The following HK2 variants were observed in gnomAD, a reference collection of about 807,000 sequenced individuals.
HK2 encodes the protein hexokinase 2.
HK2 carries 42 observed loss-of-function variants against 92.9 expected under a neutral mutation model. The ratio of observed to expected loss-of-function variants is 0.45; its 90% CI spans 0.35 to 0.58. The LOEUF (loss-of-function observed/expected upper bound fraction) is 0.58, where lower values mean the gene tolerates loss of function less well. Ranked by LOEUF, HK2 falls within the 20% of genes least tolerant of loss-of-function variation. The probability of loss-of-function intolerance (pLI) is 0.00; values close to 1 mark genes in which losing one functional copy is unlikely to be tolerated. For synonymous variants in HK2, 422 were observed against 468.0 expected (o/e 0.90, Z 1.27); for missense variants, 978 against 1,245.1 (o/e 0.79, Z 3.23).
At chr2:74,864,462 A>G (rs1688901406) in intron 2 of HK2, among the ~76,000 whole-genome samples, 1 of 152,178 alleles carries the variant, frequency 6.6e-6, no homozygotes, top group Non-Finnish European at 1.5e-5. Flanking sequence ...AGGATCTATT[A>G]ACGGAGGAAT....
intron 10 of HK2, among the ~76,000 whole-genome samples, chr2:74,880,957 G>A (rs969556510): frequency 6.6e-6 from 1 of 152,254 alleles, no homozygotes; most frequent in Non-Finnish European, 1.5e-5. Context: ...TTCAAACCCA[G>A]GAATTCAGGT....
At position 74,882,147 on chromosome 2, in the gene HK2, G is replaced by C. The variant is rs550020237; in HGVS notation, c.1747G>C (p.Ala583Pro). ...CTTTGACCACATTGTCCAGTGCATC[G>C]CGGACTTCCTCGAGTACATGGGCAT... ...ELFDHIVQCI[A>P]DFLEYMGMKG... The change falls in exon 12 of 18, where the codon GCG becomes CCG. Residue 583 changes from alanine to proline, a missense_variant. Ala to Pro is a conservative substitution (Grantham distance 27). Coordinates refer to ENST00000290573, the MANE Select transcript of HK2 (RefSeq NM_000189.5). 1.9e-6 allele frequency: 3 copies of C among 1,614,048 alleles called. No homozygotes were observed. The highest frequency in any genetic ancestry group is 2.5e-6 in the Non-Finnish European group (3 of 1,180,032).
At chr2:74,862,862 T>G (rs1688862491) in intron 2 of HK2, among the ~76,000 whole-genome samples, 1 of 152,138 alleles carries the variant, frequency 6.6e-6, no homozygotes, top group Admixed American at 6.5e-5. Context: ...TGTTCTGGGT[T>G]GTGGAGGGAG....
chr2:74,840,878 CAAAAAAAAAAAAAA>C (rs56344068), intron 1 of HK2, among the ~76,000 whole-genome samples: 3 of 55,946 alleles, frequency 5.4e-5, no homozygotes, highest in Non-Finnish European at 8.7e-5. Context: ...GACTCTGTCT[CAAAAAAAAAAAAAA>C]AAAAAAAAAA....
intron 2 of HK2, among the ~76,000 whole-genome samples, chr2:74,860,416 C>T (rs185215131): frequency 7.7e-4 from 118 of 152,314 alleles, no homozygotes; most frequent in African/African-American, 2.6e-3. Context: ...CCAGTCAATC[C>T]CTGTACCTGA....
At chr2:74,886,783 A>T in intron 15 of HK2, 110 bp downstream of exon 15, 2 of 1,118,840 alleles carry the variant, frequency 1.8e-6, no homozygotes. Context: ...GTGAGATGTT[A>T]ATAAAGGAGG....
intron 1 of HK2, among the ~76,000 whole-genome samples, chr2:74,846,849 C>T (rs1045081389): frequency 6.6e-6 from 1 of 152,220 alleles, no homozygotes; most frequent in East Asian, 1.9e-4. Context: ...TTAAAGCAGA[C>T]GAAAGTAGTC....
At chr2:74,841,951 A>G (rs1688323991) in intron 1 of HK2, among the ~76,000 whole-genome samples, 1 of 152,256 alleles carries the variant, frequency 6.6e-6, no homozygotes, top group African/African-American at 2.4e-5. Flanking sequence ...ACAGCCTGAC[A>G]GTTACTGGGA....
intron 3 of HK2, 152 bp downstream of exon 3, chr2:74,867,936 C>G: frequency 1.2e-6 from 1 of 853,558 alleles, no homozygotes; most frequent in South Asian, 1.3e-5. Flanking sequence ...CCCTCTCAGC[C>G]GGAGCTCAGG....
chr2:74,852,170 G>C (rs1688586999), intron 1 of HK2, among the ~76,000 whole-genome samples: 1 of 152,228 alleles, frequency 6.6e-6, no homozygotes, highest in Non-Finnish European at 1.5e-5. Flanking sequence ...CCACGTGAGG[G>C]CTTGCCATTA....
chr2:74,877,440 C>T, intron 8 of HK2, 119 bp downstream of exon 8: 1 of 1,155,232 alleles, frequency 8.7e-7, no homozygotes, highest in Non-Finnish European at 1.3e-6. Flanking sequence ...AAGAGGGTCT[C>T]ACATGACGTG....
rs765339418 is a variant in HK2, at chr2:74,834,541, G to A, written c.-40G>A. On this transcript the variant is annotated 5_prime_UTR_variant, in exon 1 of 18. Transcript: ENST00000290573. The surrounding 1 kb of genome is among the most constrained non-coding windows in gnomAD (Gnocchi z 4.2). ...CGCCCGCCTCCCCTCTCGCGTCTCC[G>A]CCTCGGTTTCCCAACTCTGCGCCGT... 3 of 1,609,652 alleles carry A rather than the reference G, an allele frequency of 1.9e-6. No homozygotes were observed. In the South Asian group the frequency reaches 3.3e-5, roughly 18 times the overall value.
chr2:74,882,377 C>T, intron 12 of HK2, 138 bp downstream of exon 12: 2 of 1,282,356 alleles, frequency 1.6e-6, no homozygotes, highest in South Asian at 1.2e-5. Context: ...GGGAGGGGCT[C>T]CTTGATGGGA....
In HK2 at chr2:74,887,902, G is replaced by C; in HGVS notation, c.2220-1G>C. On this transcript the variant is annotated splice_acceptor_variant, in intron 15 of 17. Transcript: ENST00000290573. LOFTEE classifies it high-confidence loss of function. Reference sequence around the variant, plus strand: ...CTCCATGAATGTTACTTGCATTGCAGGTTCGAGAAAATGATCAGTGGAATG... The same window carrying C: ...CTCCATGAATGTTACTTGCATTGCACGTTCGAGAAAATGATCAGTGGAATG... 2 of 1,613,590 alleles carry C rather than the reference G, an allele frequency of 1.2e-6. No homozygotes were observed. Among genetic ancestry groups the C allele is most frequent in the Non-Finnish European group, 1.7e-6 (2 of 1,179,966 alleles).
chr2:74,839,554 C>T (rs1688253979), intron 1 of HK2, among the ~76,000 whole-genome samples: 1 of 152,072 alleles, frequency 6.6e-6, no homozygotes, highest in African/African-American at 2.4e-5. Context: ...TTTTGTTAAC[C>T]ATCCGTTTGT....
intron 2 of HK2, among the ~76,000 whole-genome samples, chr2:74,856,774 G>A (rs1407700126): frequency 6.6e-6 from 1 of 152,182 alleles, no homozygotes; most frequent in Non-Finnish European, 1.5e-5. Flanking sequence ...GCCGAGTTAG[G>A]AATCAAGCTT....
chr2:74,841,481 A>G (rs1220231898), intron 1 of HK2, among the ~76,000 whole-genome samples: 3 of 152,138 alleles, frequency 2.0e-5, no homozygotes, highest in African/African-American at 7.2e-5. Flanking sequence ...CACCCCCTTC[A>G]GTTTTCAGGT....
chr2:74,882,453 G>A (rs767288704), intron 12 of HK2, among the ~76,000 whole-genome samples: 2 of 151,328 alleles, frequency 1.3e-5, no homozygotes, highest in Non-Finnish European at 2.9e-5. Flanking sequence ...TTGGGACAAC[G>A]ATGATGATGC....
In HK2 at chr2:74,877,272, C is replaced by T. The variant is rs1558801265; in HGVS notation, c.982C>T (p.Leu328Phe). 3.7e-6 allele frequency: 6 copies of T among 1,614,196 alleles called. No individual in the cohort carries two copies. Among genetic ancestry groups the T allele is most frequent in the Non-Finnish European group, 5.1e-6 (6 of 1,180,042 alleles). ...LLFGGKLSPE[L>F]LNTGRFETKD... ...CTTTGGGGGGAAGCTCAGCCCAGAGCTTCTCAACACCGGTCGCTTTGAGAC... is the reference window on the plus strand; with the variant it reads ...CTTTGGGGGGAAGCTCAGCCCAGAGTTTCTCAACACCGGTCGCTTTGAGAC... Residue 328 changes from leucine (L) to phenylalanine (F), a missense_variant, in exon 8 of 18, where the codon CTT becomes TTT. Leu to Phe is a conservative substitution (Grantham distance 22). Transcript: ENST00000290573.
Sources: allele counts gnomAD v4.1 joint callset (sites outside exome capture counted in the v4.1 genomes callset), GRCh38; gene constraint gnomAD v4.1.1; non-coding constraint Gnocchi (gnomAD v3.1); transcripts MANE v1.5; gene names NCBI Gene and HGNC (gene_info 2026-07-23, HGNC 2026-07-21).